The following DNAH14 variants were observed in gnomAD, a reference collection of about 807,000 sequenced individuals.
The protein encoded by DNAH14 is dynein axonemal heavy chain 14, also known as axonemal beta dynein heavy chain 14.
Under a neutral mutation model 520.9 loss-of-function variants are expected in DNAH14, and 478 were observed. That is an observed-to-expected ratio of 0.92 (90% CI 0.85 to 0.99). The LOEUF is 0.99. Ranked by LOEUF, DNAH14 falls within the 50% of genes least tolerant of loss-of-function variation. DNAH14 has a pLI of 0.00. For missense variants in DNAH14, 4,831 were observed against 5,234.5 expected (o/e 0.92, Z 2.38); for synonymous variants, 1,581 against 1,757.2 (o/e 0.90, Z 2.51).
chr1:225,145,939 A>T (rs575369583), intron 30 of DNAH14, among the ~76,000 whole-genome samples: 1 of 152,354 alleles, frequency 6.6e-6, no homozygotes, highest in East Asian at 1.9e-4. Flanking sequence ...AAGTCCAAAC[A>T]TTCTACATTT....
In DNAH14 at chr1:225,144,394, C is replaced by G; in HGVS notation, c.4509-3C>G. The stretch of plus-strand genomic sequence containing the variant: ...ATATGAACATTTAAAATTTGGCTTT[C>G]AGACATTTGCAATATAAATGGAATG... On this transcript the variant is annotated splice_polypyrimidine_tract_variant and splice_region_variant and intron_variant, in intron 28 of 85. Coordinates refer to ENST00000682510, the MANE Select transcript of DNAH14 (RefSeq NM_001367479.1). The G allele has an allele frequency of 6.5e-7, 1 of 1,542,542 alleles. No homozygotes were observed. The highest frequency in any genetic ancestry group is 2.5e-5 in the East Asian group (1 of 40,794).
At chr1:224,962,289 T>C (rs1461626276) in intron 4 of DNAH14, among the ~76,000 whole-genome samples, 4 of 152,152 alleles carry the variant, frequency 2.6e-5, no homozygotes, top group Non-Finnish European at 5.9e-5. Context: ...GATTTTCAGA[T>C]GTATTTAAGG....
chr1:225,342,912 G>T (rs993654602), intron 69 of DNAH14, among the ~76,000 whole-genome samples: 3 of 151,098 alleles, frequency 2.0e-5, no homozygotes, highest in Non-Finnish European at 2.9e-5. Context: ...GCTCACAGGT[G>T]CTACTAGGTG....
At chr1:224,982,416 A>T (rs1457743789) in intron 8 of DNAH14, among the ~76,000 whole-genome samples, 1 of 152,210 alleles carries the variant, frequency 6.6e-6, no homozygotes, top group Non-Finnish European at 1.5e-5. Context: ...AGCAATACCC[A>T]ACTGGTGCCA....
At chr1:225,011,065 T>G (rs942351776) in intron 10 of DNAH14, among the ~76,000 whole-genome samples, 4 of 152,136 alleles carry the variant, frequency 2.6e-5, no homozygotes, top group Non-Finnish European at 4.4e-5. Flanking sequence ...GATTCATTGA[T>G]TTTTTGAACT....
At chr1:225,172,817 A>G (rs1412180097) in intron 36 of DNAH14, among the ~76,000 whole-genome samples, 1 of 152,230 alleles carries the variant, frequency 6.6e-6, no homozygotes, top group African/African-American at 2.4e-5. Context: ...CCTAAGCCAA[A>G]AGAACAAAGC....
intron 54 of DNAH14, among the ~76,000 whole-genome samples, chr1:225,279,634 C>T (rs181943590): frequency 2.3e-3 from 349 of 152,066 alleles, no homozygotes; most frequent in African/African-American, 8.1e-3. Flanking sequence ...GTTGAACTAC[C>T]AGAACTACCA....
chr1:225,270,701 A>G (rs1286786015), intron 49 of DNAH14, 34 bp from the exon 50 acceptor site: 1 of 1,542,498 alleles, frequency 6.5e-7, no homozygotes, highest in Non-Finnish European at 8.8e-7. Flanking sequence ...CTACAGATAC[A>G]TTCAGTTACT....
At chr1:225,337,575 T>C in intron 67 of DNAH14, 79 bp downstream of exon 67, 1 of 1,112,836 alleles carries the variant, frequency 9.0e-7, no homozygotes, top group Non-Finnish European at 1.3e-6. Flanking sequence ...CTAAAAGTTT[T>C]CAGTGACAGA....
intron 17 of DNAH14, among the ~76,000 whole-genome samples, chr1:225,075,622 A>G (rs1009998923): frequency 2.0e-5 from 3 of 152,094 alleles, no homozygotes; most frequent in Non-Finnish European, 4.4e-5. Flanking sequence ...CCAGCTACTC[A>G]GGAAATTAAG....
chr1:225,142,055 A>G (rs16844341), intron 28 of DNAH14, among the ~76,000 whole-genome samples: 6,594 of 152,238 alleles, frequency 0.043, 417 homozygotes, highest in African/African-American at 0.14. Flanking sequence ...TTTATATCTG[A>G]TATATACTCA....
At chr1:225,362,768 C>A in intron 75 of DNAH14, among the ~76,000 whole-genome samples, 1 of 152,090 alleles carries the variant, frequency 6.6e-6, no homozygotes, top group East Asian at 1.9e-4. Flanking sequence ...GATGACCACT[C>A]TACCAGTCCA....
rs1558794766 is a variant in DNAH14, at chr1:225,051,612, A to G, written c.2241A>G (p.Leu747=). Residue 747 remains leucine, a synonymous_variant, in exon 17 of 86, where the codon CTA becomes CTG. Transcript: ENST00000682510. ...ELTSKEFEAI[L]NRFRNYFRHI... ...CTTCAAAAGAATTTGAAGCTATTCT[A>G]AATAGATTCAGAAACTATTTTAGAC... The G allele has an allele frequency of 6.4e-7, 1 of 1,550,840 alleles. No individual in the cohort carries two copies. Among genetic ancestry groups the G allele is most frequent in the East Asian group, 2.5e-5 (1 of 40,788 alleles).
At position 225,379,321 on chromosome 1, in the gene DNAH14, T is replaced by TGTCTAAAGTACATTGGA. The variant is rs549346476; in HGVS notation, c.12717-837_12717-821dup. On this transcript the variant is annotated intron_variant, in intron 79 of 85. Transcript: ENST00000682510. The stretch of plus-strand genomic sequence containing the variant: ...TTTATAATACATATTTCCTTGCAAA[T>TGTCTAAAGTACATTGGA]GTCTAAAGTACATTGGACAGTTTCT... 1.1e-3 allele frequency among the ~76,000 whole-genome samples: 172 copies of TGTCTAAAGTACATTGGA among 152,306 alleles called. 5 individuals are homozygous for TGTCTAAAGTACATTGGA. The South Asian group carries it at 0.035, about 31-fold the overall frequency.
intron 84 of DNAH14, among the ~76,000 whole-genome samples, chr1:225,395,463 G>A (rs544640153): frequency 2.8e-3 from 424 of 151,944 alleles, no homozygotes; most frequent in Non-Finnish European, 4.5e-3. Context: ...GTAGTGGCGG[G>A]CGCCTGTAGT....
chr1:224,972,514 G>A (rs1365151318), intron 7 of DNAH14, among the ~76,000 whole-genome samples: 1 of 150,864 alleles, frequency 6.6e-6, no homozygotes, highest in Non-Finnish European at 1.5e-5. Flanking sequence ...CACCCAGGCC[G>A]GAGTGCAGTG....
chr1:225,117,356 CAAT>C (rs202179577), intron 23 of DNAH14, among the ~76,000 whole-genome samples: 144 of 150,710 alleles, frequency 9.6e-4, no homozygotes, highest in Non-Finnish European at 1.5e-3. Flanking sequence ...TTATTTTGAT[CAAT>C]AATAATAATA....
At chr1:225,310,611 C>G (rs1574679438) in intron 60 of DNAH14, among the ~76,000 whole-genome samples, 1 of 152,156 alleles carries the variant, frequency 6.6e-6, no homozygotes, top group African/African-American at 2.4e-5. Flanking sequence ...CCCTCACCCC[C>G]CGACAGGCCC....
At chr1:225,041,928 G>A (rs1457659751) in intron 12 of DNAH14, among the ~76,000 whole-genome samples, 1 of 152,040 alleles carries the variant, frequency 6.6e-6, no homozygotes, top group Non-Finnish European at 1.5e-5. Flanking sequence ...CCGTTTTTAG[G>A]TGTACAGTTT....
Sources: gnomAD v4.1 joint callset for allele counts (sites outside exome capture counted in the v4.1 genomes callset) on GRCh38, gnomAD v4.1.1 for gene constraint, MANE v1.5 for transcripts, NCBI Gene and HGNC (gene_info 2026-07-23, HGNC 2026-07-21) for gene names.